Variants in SVOPL observed in about 807,000 individuals in gnomAD.
SVOPL encodes SVOP like, also known as putative transporter SVOPL.
In SVOPL, 60 loss-of-function variants were observed where a neutral mutation model predicts 61.0. That is an observed-to-expected ratio of 0.98 (90% CI 0.80 to 1.22). The LOEUF (loss-of-function observed/expected upper bound fraction) is 1.22, where lower values mean the gene tolerates loss of function less well. SVOPL is among the 50% of genes most tolerant of loss of function. The probability of loss-of-function intolerance (pLI) is 0.00; values close to 1 mark genes in which losing one functional copy is unlikely to be tolerated. For synonymous variants in SVOPL, 279 were observed against 250.0 expected (o/e 1.12, Z -1.09); for missense variants, 662 against 643.9 (o/e 1.03, Z -0.30).
At position 138,596,500 on chromosome 7, in the gene SVOPL, G is replaced by A. The variant is rs1219469651; in HGVS notation, c.1384C>T (p.Leu462=). Residue 462 remains leucine (L), a synonymous_variant, in exon 15 of 16, where the codon CTG becomes TTG. Transcript: ENST00000674285. ...VLMSASILGA[L]CLFSSVCVVC... is the part of the protein sequence containing the mutation. The stretch of plus-strand genomic sequence containing the variant: ...ACACAGACAGATGAGAAGAGACACA[G>A]GGCCCCCAGTATTGATGCACTCATA... 6.2e-7 allele frequency: 1 copy of A among 1,613,786 alleles called. No individual in the cohort carries two copies. Among genetic ancestry groups the A allele is most frequent in the Non-Finnish European group, 8.5e-7 (1 of 1,179,830 alleles).
At chr7:138,655,856 C>T (rs989468352) in intron 7 of SVOPL, among the ~76,000 whole-genome samples, 1 of 152,032 alleles carries the variant, frequency 6.6e-6, no homozygotes, top group East Asian at 1.9e-4. Flanking sequence ...GTTGAAATTA[C>T]AACAAAGAAT....
chr7:138,671,501 C>CCA (rs547732494), intron 4 of SVOPL, among the ~76,000 whole-genome samples: 109 of 152,174 alleles, frequency 7.2e-4, no homozygotes, highest in Non-Finnish European at 1.3e-3. Flanking sequence ...GCACCCACCA[C>CCA]CACATCTTGC....
At chr7:138,608,173 G>GA (rs1340314111) in intron 14 of SVOPL, among the ~76,000 whole-genome samples, 10 of 152,054 alleles carry the variant, frequency 6.6e-5, no homozygotes, top group African/African-American at 2.4e-4. Context: ...AACGCTATCA[G>GA]AAAAAAAGTC....
At chr7:138,680,027 G>C (rs1802664922) in intron 1 of SVOPL, among the ~76,000 whole-genome samples, 1 of 152,170 alleles carries the variant, frequency 6.6e-6, no homozygotes, top group Non-Finnish European at 1.5e-5. Context: ...CCTGGGGCCA[G>C]ACGCAGGCCT....
At chr7:138,663,333 G>GAA in intron 4 of SVOPL, 188 bp from the exon 5 acceptor site, 1 of 1,431,374 alleles carries the variant, frequency 7.0e-7, no homozygotes, top group Admixed American at 2.8e-5. Context: ...GCTCCCTGTT[G>GAA]GTGGGAGCCT....
intron 6 of SVOPL, among the ~76,000 whole-genome samples, chr7:138,657,044 C>CAAA (rs11432091): frequency 8.6e-5 from 12 of 139,176 alleles, no homozygotes; most frequent in African/African-American, 2.3e-4. Context: ...GTTGAAAAGA[C>CAAA]AAAAAAAAAA....
intron 9 of SVOPL, among the ~76,000 whole-genome samples, chr7:138,635,881 A>G (rs1800444286): frequency 6.6e-6 from 1 of 152,162 alleles, no homozygotes; most frequent in Non-Finnish European, 1.5e-5. Context: ...AACAACCACA[A>G]AAGTAAGTGA....
In SVOPL at chr7:138,649,285, C is replaced by A. The variant is rs954970854; in HGVS notation, c.535-148G>T. The A allele has an allele frequency of 9.5e-6, 11 of 1,156,936 alleles. No individual in the cohort carries two copies. In the African/African-American group the frequency reaches 1.4e-4, roughly 15 times the overall value. The allele number at this position is 1,156,936 out of a possible 1,614,324, so 71.7% of individuals were successfully genotyped here. ...TTCTTTTGGGAGCCACTTTGTCCAG[C>A]ATTTTGCCTTTTGTTTTGTTTTGTT... On this transcript the variant is annotated intron_variant, in intron 7 of 15. Transcript: ENST00000674285.
intron 4 of SVOPL, 101 bp from the exon 5 acceptor site, chr7:138,663,246 G>T (rs1457918853): frequency 6.5e-7 from 1 of 1,536,998 alleles, no homozygotes; most frequent in African/African-American, 1.4e-5. Context: ...AATACGGGAG[G>T]GATGGAAGTT....
chr7:138,659,976 A>C lies in SVOPL; in HGVS notation c.358T>G (p.Ser120Ala). 3.2e-6 allele frequency: 5 copies of C among 1,551,584 alleles called. No homozygotes were observed. Among genetic ancestry groups the C allele is most frequent in the Non-Finnish European group, 4.4e-6 (5 of 1,146,956 alleles). Residue 120 changes from serine (S) to alanine (A), a missense_variant, in exon 6 of 16, where the codon TCG becomes GCG. Physicochemically the swap from Ser to Ala is moderately conservative, Grantham distance 99 (BLOSUM62 1). Coordinates refer to ENST00000674285, the MANE Select transcript of SVOPL (RefSeq NM_001139456.2). ...RYGRWKILLI[S>A]FLWGAYFSLL... ...GAGAAATAGGCTCCCCACAGGAACGAGATGAGCAGAATCTGAAGCAACAGC... is the reference window on the plus strand; with the variant it reads ...GAGAAATAGGCTCCCCACAGGAACGCGATGAGCAGAATCTGAAGCAACAGC...
chr7:138,631,251 G>A (rs1800175555), intron 9 of SVOPL, among the ~76,000 whole-genome samples: 1 of 152,098 alleles, frequency 6.6e-6, no homozygotes. Context: ...GGGGGTACAT[G>A]AGCTGTTTTG....
chr7:138,630,124 T>C lies in SVOPL; in HGVS notation c.790-2A>G, dbSNP rs1044679795. 2 of 1,613,022 alleles carry C rather than the reference T, an allele frequency of 1.2e-6. No homozygotes were observed. The highest frequency in any genetic ancestry group is 1.7e-6 in the Non-Finnish European group (2 of 1,179,014). ...GTCTGCAAATCTTCCTCTTTTTTCC[T>C]GGGGTAATGAAAAGGAGACAGAACA... On this transcript the variant is annotated splice_acceptor_variant, in intron 9 of 15. Transcript: ENST00000674285. LOFTEE classifies it high-confidence loss of function.
chr7:138,655,293 C>G (rs950880052), intron 7 of SVOPL, among the ~76,000 whole-genome samples: 1 of 152,070 alleles, frequency 6.6e-6, no homozygotes, highest in African/African-American at 2.4e-5. Flanking sequence ...CACCTGAGGT[C>G]AGGAGTTTGA....
intron 3 of SVOPL, among the ~76,000 whole-genome samples, chr7:138,672,491 T>G (rs1359460465): frequency 6.6e-6 from 1 of 152,172 alleles, no homozygotes; most frequent in Non-Finnish European, 1.5e-5. Flanking sequence ...TTTGTTGTTT[T>G]GTACTCATGA....
rs1018544428 is a variant in SVOPL, at chr7:138,652,066, AT to A, written c.535-2930del. ...AGGTTCATGCCACCACACCCAGCCA[AT>A]TTTTTTTTCCCCCTCGCTCTGTCAC... On this transcript the variant is annotated intron_variant, in intron 7 of 15. Coordinates refer to ENST00000674285, the MANE Select transcript of SVOPL (RefSeq NM_001139456.2). Among the ~76,000 whole-genome samples the A allele has an allele frequency of 2.2e-3, 321 of 144,558 alleles. 1 individual carries two copies. The highest frequency in any genetic ancestry group is 0.011 in the East Asian group (50 of 4,674). The allele number at this position is 144,558 out of a possible 152,430, so 94.8% of individuals were successfully genotyped here. A position where few individuals can be genotyped will look rare whatever the true frequency, so the allele number is the denominator to read the frequency against.
At chr7:138,596,891 C>T in intron 14 of SVOPL, 1 of 1,089,608 alleles carries the variant, frequency 9.2e-7, no homozygotes, top group Non-Finnish European at 1.1e-6. Context: ...ACTCTCACTT[C>T]ATGCTATATC....
chr7:138,655,793 A>G (rs1008886738), intron 7 of SVOPL, among the ~76,000 whole-genome samples: 5 of 151,872 alleles, frequency 3.3e-5, no homozygotes, highest in African/African-American at 9.7e-5. Flanking sequence ...GATAAGCAAC[A>G]AAAGTGATTT....
intron 14 of SVOPL, among the ~76,000 whole-genome samples, chr7:138,607,744 G>A (rs1006869930): frequency 6.6e-6 from 1 of 152,148 alleles, no homozygotes; most frequent in Non-Finnish European, 1.5e-5. Context: ...AGTGAACAAG[G>A]TTGATTTTAC....
At chr7:138,600,953 C>T (rs1332829698) in intron 14 of SVOPL, among the ~76,000 whole-genome samples, 1 of 152,048 alleles carries the variant, frequency 6.6e-6, no homozygotes, top group Non-Finnish European at 1.5e-5. Flanking sequence ...CTGCTGGATA[C>T]ACACCCTAAG....
Sources: allele counts gnomAD v4.1 joint callset (sites outside exome capture counted in the v4.1 genomes callset), GRCh38; gene constraint gnomAD v4.1.1; transcripts MANE v1.5; gene names NCBI Gene and HGNC (gene_info 2026-07-23, HGNC 2026-07-21).